NMT1: variants seen among roughly 807,000 people sequenced by gnomAD.
NMT1 encodes N-myristoyltransferase 1.
NMT1 carries 12 observed loss-of-function variants against 63.4 expected under a neutral mutation model. The observed-to-expected ratio is 0.19, with a 90% CI of 0.12 to 0.31. The LOEUF is 0.31. Ranked by LOEUF, NMT1 falls within the 10% of genes least tolerant of loss-of-function variation. The pLI is 1.00. For missense variants in NMT1, 432 were observed against 634.6 expected (o/e 0.68, Z 3.43); for synonymous variants, 228 against 234.3 (o/e 0.97, Z 0.25).
intron 3 of NMT1, among the ~76,000 whole-genome samples, chr17:45,090,878 C>G (rs2054083096): frequency 6.6e-6 from 1 of 152,064 alleles, no homozygotes; most frequent in African/African-American, 2.4e-5. Flanking sequence ...GCCTTCCACC[C>G]CTGCTCAGCA....
Position 45,081,751 on chromosome 17 carries a change from A to G in NMT1, c.239A>G (p.Lys80Arg). Residue 80 changes from lysine (K) to arginine (R), a missense_variant and splice_region_variant, in exon 2 of 12, where the codon AAG (lysine) becomes AGG (arginine). Physicochemically the swap from Lys to Arg is conservative, Grantham distance 26. Coordinates refer to ENST00000258960, the MANE Select transcript of NMT1 (RefSeq NM_021079.5). Reference protein sequence around the residue: ...ETDSAQDQPVKMNSLPAERIQ... With the variant: ...ETDSAQDQPVRMNSLPAERIQ... Reference sequence around the variant, plus strand: ...GATTCAGCCCAGGATCAGCCTGTGAAGGTAACAAGGAGGTTCTGTTTTTTG... The same window carrying G: ...GATTCAGCCCAGGATCAGCCTGTGAGGGTAACAAGGAGGTTCTGTTTTTTG... 1 of 1,553,696 alleles carries G rather than the reference A, an allele frequency of 6.4e-7. No individual in the cohort carries two copies. The highest frequency in any genetic ancestry group is 8.7e-7 in the Non-Finnish European group (1 of 1,149,610).
At chr17:45,083,131 A>G (rs9901635) in intron 2 of NMT1, among the ~76,000 whole-genome samples, 19,495 of 151,960 alleles carry the variant, frequency 0.13, 1,498 homozygotes, top group East Asian at 0.27. Flanking sequence ...CCTGGCCAAC[A>G]TGGTGAAACC....
In NMT1 at chr17:45,106,544, T is replaced by G. The variant is rs1011223354; in HGVS notation, c.*905T>G. The G allele has an allele frequency of 4.6e-5, 7 of 152,692 alleles. No homozygotes were observed. The highest frequency in any genetic ancestry group is 8.8e-5 in the Non-Finnish European group (6 of 68,084). 9.5% of individuals were successfully genotyped at this position (152,692 alleles called of 1,614,324 possible). On this transcript the variant is annotated 3_prime_UTR_variant, in exon 12 of 12. Transcript: ENST00000258960. ...AGTTTGAAGAGGCCCTTGGACCTCC[T>G]TGTAACATCAGGGACCTTTGGAGAC...
rs1471666398 is a variant in NMT1, at chr17:45,101,701, C to G, written c.994-1250C>G. The stretch of plus-strand genomic sequence containing the variant: ...TGCTTCTTCCTATTGGTCATCAGTG[C>G]ACACAGTCACTGCGTTCCTGCTGAC... On this transcript the variant is annotated intron_variant, in intron 8 of 11. Transcript: ENST00000258960. Among the ~76,000 whole-genome samples, 3 of 151,584 alleles carry G rather than the reference C, an allele frequency of 2.0e-5. 1 individual carries two copies. Among genetic ancestry groups the G allele is most frequent in the African/African-American group, 7.3e-5 (3 of 41,210 alleles).
intron 8 of NMT1, among the ~76,000 whole-genome samples, chr17:45,101,951 G>A (rs1248405929): frequency 1.3e-5 from 2 of 152,184 alleles, no homozygotes; most frequent in African/African-American, 4.8e-5. Context: ...GGGCAGGCAG[G>A]CAGAGAGCAT....
At chr17:45,094,187 TC>T (rs1263956454) in intron 4 of NMT1, among the ~76,000 whole-genome samples, 7 of 152,112 alleles carry the variant, frequency 4.6e-5, no homozygotes, top group African/African-American at 1.4e-4. Context: ...GGGATTTATT[TC>T]CCTTATAAAG....
intron 1 of NMT1, among the ~76,000 whole-genome samples, chr17:45,062,467 C>T (rs2053870702): frequency 6.6e-6 from 1 of 152,120 alleles, no homozygotes; most frequent in South Asian, 2.1e-4. Flanking sequence ...TCGTAGCCAG[C>T]TTGTTATTCG....
intron 3 of NMT1, among the ~76,000 whole-genome samples, chr17:45,087,410 C>G (rs1400126319): frequency 6.6e-6 from 1 of 152,088 alleles, no homozygotes; most frequent in African/African-American, 2.4e-5. Context: ...GATGGTTCAA[C>G]AACAGGAATA....
At chr17:45,064,179 A>G (rs1227165681) in intron 1 of NMT1, among the ~76,000 whole-genome samples, 1 of 152,204 alleles carries the variant, frequency 6.6e-6, no homozygotes, top group Non-Finnish European at 1.5e-5. Context: ...GCGAGACTCC[A>G]TCTCAAAAAA....
chr17:45,063,738 A>T (rs914330186), intron 1 of NMT1, among the ~76,000 whole-genome samples: 3 of 152,132 alleles, frequency 2.0e-5, no homozygotes, highest in Non-Finnish European at 4.4e-5. Context: ...TCCACTAAAA[A>T]TACAAAATTT....
chr17:45,068,269 C>T (rs1201222554), intron 1 of NMT1, among the ~76,000 whole-genome samples: 5 of 152,162 alleles, frequency 3.3e-5, no homozygotes, highest in Admixed American at 1.3e-4. Context: ...GTCAGGAGTT[C>T]GAGACCAGCC....
In NMT1 at chr17:45,092,336, G is replaced by A. The variant is rs182564070; in HGVS notation, c.386-1349G>A. ...GAAGAGGGTGAGATGATCAGTGCCA[G>A]CGGTGGTGTCGTGTGCTGCAGCCTG... On this transcript the variant is annotated intron_variant, in intron 3 of 11. Coordinates refer to ENST00000258960, the MANE Select transcript of NMT1 (RefSeq NM_021079.5). Among the ~76,000 whole-genome samples the A allele has an allele frequency of 3.6e-4, 55 of 152,246 alleles. 1 individual carries two copies. In the East Asian group the frequency reaches 0.01, roughly 28 times the overall value.
intron 3 of NMT1, among the ~76,000 whole-genome samples, chr17:45,093,004 G>C (rs1228815453): frequency 6.6e-6 from 1 of 152,208 alleles, no homozygotes; most frequent in Non-Finnish European, 1.5e-5. Flanking sequence ...AATGAGGGCT[G>C]TGTCTTTGGA....
chr17:45,080,182 C>T (rs1313479364), intron 1 of NMT1, among the ~76,000 whole-genome samples: 2 of 149,850 alleles, frequency 1.3e-5, no homozygotes, highest in East Asian at 2.0e-4. Context: ...TTTTTTGAGA[C>T]GGAGTTTCGC....
intron 8 of NMT1, among the ~76,000 whole-genome samples, chr17:45,101,837 T>G (rs2054168585): frequency 6.6e-6 from 1 of 152,190 alleles, no homozygotes; most frequent in Non-Finnish European, 1.5e-5. Context: ...GAGAGACTGC[T>G]GCAGTACCGT....
intron 7 of NMT1, chr17:45,098,802 G>T: frequency 2.2e-6 from 1 of 457,872 alleles, no homozygotes; most frequent in East Asian, 3.4e-5. Context: ...CTGCCATTTG[G>T]AGATGGTGGG....
At position 45,097,687 on chromosome 17, in the gene NMT1, C is replaced by G. The variant is rs117634942; in HGVS notation, c.713+443C>G. On this transcript the variant is annotated intron_variant, in intron 6 of 11. Transcript: ENST00000258960. The stretch of plus-strand genomic sequence containing the variant: ...CTTTTCTTAGTCTCACTCTGTTGCC[C>G]GGGCTGGAGTGCAGTGGTGCGATCT... 7.2e-5 allele frequency among the ~76,000 whole-genome samples: 11 copies of G among 152,084 alleles called. No individual in the cohort carries two copies. In the East Asian group the frequency reaches 2.1e-3, roughly 29 times the overall value.
In NMT1 at chr17:45,102,978, A is replaced by G. The variant is rs554809034; in HGVS notation, c.1021A>G (p.Met341Val). The change falls in exon 9 of 12, where the codon ATG becomes GTG. Residue 341 changes from methionine (M) to valine (V), a missense_variant. Met to Val is a conservative substitution (Grantham distance 21, BLOSUM62 1). This residue lies in a region of NMT1 where 295 missense variants were observed against 489.7 expected (regional missense o/e 0.60). Coordinates refer to ENST00000258960, the MANE Select transcript of NMT1 (RefSeq NM_021079.5). Reference protein sequence around the residue: ...ETPKTAGLRPMETKDIPVVHQ... With the variant: ...ETPKTAGLRPVETKDIPVVHQ... ...TCCCAAGACAGCTGGGCTGCGACCA[A>G]TGGAAACAAAGGACATTCCAGTAGT... 2.9e-5 allele frequency: 46 copies of G among 1,612,924 alleles called. No homozygotes were observed. Among genetic ancestry groups the G allele is most frequent in the Admixed American group, 5.0e-5 (3 of 59,966 alleles).
At chr17:45,097,082 C>T (rs1209776231) in intron 5 of NMT1, 46 bp from the exon 6 acceptor site, 2 of 1,549,956 alleles carry the variant, frequency 1.3e-6, no homozygotes, top group Non-Finnish European at 1.8e-6. Context: ...GCGGCTTGTC[C>T]AGCCTGCCGG....
Sources: gnomAD v4.1 joint callset for allele counts (sites outside exome capture counted in the v4.1 genomes callset) on GRCh38, gnomAD v4.1.1 for gene constraint, gnomAD v4.1.1 regional missense constraint, MANE v1.5 for transcripts, NCBI Gene and HGNC (gene_info 2026-07-23, HGNC 2026-07-21) for gene names.